The following CD9 variants were observed in gnomAD, a reference collection of about 807,000 sequenced individuals.
CD9 encodes CD9 antigen.
CD9 carries 10 observed loss-of-function variants against 31.4 expected under a neutral mutation model. The ratio of observed to expected loss-of-function variants is 0.32; its 90% CI spans 0.20 to 0.54. The LOEUF (loss-of-function observed/expected upper bound fraction) is 0.54. CD9 is among the 20% of genes least tolerant of loss of function. The pLI is 0.94. For synonymous variants in CD9, 113 were observed against 114.1 expected, an observed-to-expected ratio of 0.99 and a Z score of 0.06; for missense variants, 259 against 300.1, an observed-to-expected ratio of 0.86 and a Z score of 1.01.
intron 1 of CD9, among the ~76,000 whole-genome samples, chr12:6,223,777 G>T (rs1015433700): frequency 1.3e-5 from 2 of 152,216 alleles, no homozygotes; most frequent in Non-Finnish European, 2.9e-5. Flanking sequence ...TGGTCTGAAT[G>T]CGAGTACCCT....
At chr12:6,219,338 A>G (rs1183573469) in intron 1 of CD9, among the ~76,000 whole-genome samples, 1 of 151,948 alleles carries the variant, frequency 6.6e-6, no homozygotes, top group African/African-American at 2.4e-5. Flanking sequence ...GGTTTTCCAA[A>G]GTCTGTATAA....
intron 2 of CD9, among the ~76,000 whole-genome samples, chr12:6,228,222 C>T (rs898058827): frequency 1.3e-5 from 2 of 152,152 alleles, no homozygotes; most frequent in African/African-American, 2.4e-5. Context: ...GGATGATGCA[C>T]GGTAAAGTTA....
chr12:6,225,404 TG>T, intron 1 of CD9, 21 bp from the exon 2 acceptor site: 3 of 1,521,296 alleles, frequency 2.0e-6, no homozygotes, highest in Non-Finnish European at 2.7e-6. Context: ...GAATTAATGC[TG>T]ATGTCCTGTA....
intron 1 of CD9, among the ~76,000 whole-genome samples, chr12:6,220,706 C>T (rs1230252542): frequency 6.6e-6 from 1 of 152,198 alleles, no homozygotes; most frequent in Non-Finnish European, 1.5e-5. Context: ...ACCCCTGCTT[C>T]TTTATTATTG....
At chr12:6,223,930 C>T (rs1476930658) in intron 1 of CD9, among the ~76,000 whole-genome samples, 2 of 152,242 alleles carry the variant, frequency 1.3e-5, no homozygotes, top group African/African-American at 4.8e-5. Context: ...ACTCAGAACT[C>T]TCAAGTTCAT....
intron 1 of CD9, among the ~76,000 whole-genome samples, chr12:6,218,784 G>GT (rs1245314138): frequency 1.3e-5 from 2 of 152,108 alleles, no homozygotes; most frequent in Non-Finnish European, 2.9e-5. Flanking sequence ...GCTCTCAGTG[G>GT]TGAGTGGGTG....
chr12:6,208,134 G>T (rs893308165), intron 1 of CD9, among the ~76,000 whole-genome samples: 26 of 151,286 alleles, frequency 1.7e-4, no homozygotes, highest in African/African-American at 6.1e-4. Flanking sequence ...TGAGGCAGGA[G>T]AATTGCTTGA....
Position 6,235,214 on chromosome 12 carries a change from G to T in CD9, c.349-15G>T. On this transcript the variant is annotated splice_polypyrimidine_tract_variant and intron_variant, in intron 4 of 7. Coordinates refer to ENST00000009180, the MANE Select transcript of CD9 (RefSeq NM_001769.4). ...AAAATGCCGTCTCTGCCCCTCTCTC[G>T]TCTGCCCATTGTAGGTGATTAAGGA... 6.4e-7 allele frequency: 1 copy of T among 1,566,700 alleles called. No homozygotes were observed. Among genetic ancestry groups the T allele is most frequent in the Non-Finnish European group, 8.8e-7 (1 of 1,138,684 alleles).
intron 1 of CD9, among the ~76,000 whole-genome samples, chr12:6,207,394 G>T (rs982528463): frequency 6.6e-6 from 1 of 152,164 alleles, no homozygotes; most frequent in African/African-American, 2.4e-5. Context: ...GGGACAGCTG[G>T]CCTCCCACCC....
chr12:6,214,491 C>T (rs753013106), intron 1 of CD9, among the ~76,000 whole-genome samples: 22 of 151,360 alleles, frequency 1.5e-4, no homozygotes, highest in Non-Finnish European at 2.4e-4. Flanking sequence ...GAACTACAGG[C>T]GTGTGCCACC....
rs1324918645 is a variant in CD9 at position 6,235,215 on chromosome 12, T to C, written c.349-14T>C. The C allele has an allele frequency of 1.9e-6, 3 of 1,570,810 alleles. No individual in the cohort carries two copies. Among genetic ancestry groups the C allele is most frequent in the Non-Finnish European group, 2.6e-6 (3 of 1,142,350 alleles). On this transcript the variant is annotated splice_polypyrimidine_tract_variant and intron_variant, in intron 4 of 7. Transcript: ENST00000009180. ...AAATGCCGTCTCTGCCCCTCTCTCG[T>C]CTGCCCATTGTAGGTGATTAAGGAA...
intron 1 of CD9, among the ~76,000 whole-genome samples, chr12:6,222,186 C>T (rs1946300028): frequency 6.6e-6 from 1 of 152,216 alleles, no homozygotes. Context: ...GCCATTGTGA[C>T]TCAGCCAACT....
intron 7 of CD9, chr12:6,236,817 A>G (rs1946529133): frequency 4.2e-6 from 1 of 235,868 alleles, no homozygotes. Flanking sequence ...GCCTTGGCTC[A>G]CTGAGTCTTC....
At chr12:6,222,705 C>T (rs546693146) in intron 1 of CD9, among the ~76,000 whole-genome samples, 1 of 152,222 alleles carries the variant, frequency 6.6e-6, no homozygotes, top group South Asian at 2.1e-4. Context: ...TCAGGGTCCT[C>T]GACATTGGGG....
intron 1 of CD9, among the ~76,000 whole-genome samples, chr12:6,208,463 G>A (rs1190458393): frequency 3.3e-5 from 5 of 152,132 alleles, no homozygotes; most frequent in East Asian, 1.9e-4. Context: ...GAAGAACCTC[G>A]ACTGAGGCTA....
chr12:6,225,718 G>A (rs1946356562), intron 2 of CD9, 184 bp downstream of exon 2: 1 of 586,736 alleles, frequency 1.7e-6, no homozygotes. Context: ...CTGGGAATTT[G>A]CGTTTAACTG....
intron 2 of CD9, chr12:6,225,849 G>A: frequency 3.3e-6 from 1 of 298,804 alleles, no homozygotes. Context: ...CATCTCTGAT[G>A]CTCTCTCCTG....
intron 1 of CD9, among the ~76,000 whole-genome samples, chr12:6,203,557 G>A (rs1405284037): frequency 6.6e-6 from 1 of 152,160 alleles, no homozygotes; most frequent in African/African-American, 2.4e-5. Flanking sequence ...TCCCTGGCCT[G>A]ATCTCATCCC....
chr12:6,200,712 A>T, intron 1 of CD9, 147 bp downstream of exon 1: 1 of 545,740 alleles, frequency 1.8e-6, no homozygotes, highest in Middle Eastern at 4.1e-4. Context: ...TGCGGCTGCC[A>T]GCTGGCTCCA....
Sources: allele counts gnomAD v4.1 joint callset (sites outside exome capture counted in the v4.1 genomes callset), GRCh38; gene constraint gnomAD v4.1.1; transcripts MANE v1.5; gene names NCBI Gene and HGNC (gene_info 2026-07-23, HGNC 2026-07-21).